MAST3: variants seen among roughly 807,000 people sequenced by gnomAD.
MAST3 encodes microtubule-associated serine/threonine-protein kinase 3.
Under a neutral mutation model 127.0 loss-of-function variants are expected in MAST3, and 43 were observed. That is an observed-to-expected ratio of 0.34 (90% CI 0.27 to 0.44). The LOEUF (loss-of-function observed/expected upper bound fraction) is 0.44. MAST3 is among the 20% of genes least tolerant of loss of function. The pLI is 1.00. For missense variants in MAST3, 1,390 were observed against 1,919.1 expected, an observed-to-expected ratio of 0.72 and a Z score of 5.15; for synonymous variants, 785 against 809.2, an observed-to-expected ratio of 0.97 and a Z score of 0.51.
At chr19:18,123,079 G>C (rs567600190) in intron 6 of MAST3, 138 bp from the exon 7 acceptor site, 1 of 911,252 alleles carries the variant, frequency 1.1e-6, no homozygotes, top group South Asian at 1.5e-5. Context: ...TTTGAGGGAT[G>C]CATAGGAGCT....
intron 2 of MAST3, among the ~76,000 whole-genome samples, chr19:18,109,718 G>A (rs2038361205): frequency 6.6e-5 from 10 of 152,186 alleles, no homozygotes; most frequent in Admixed American, 6.5e-4. Flanking sequence ...CGACCTTCCT[G>A]GCAGAGGAAA....
chr19:18,147,372 G>A (rs1207362424), intron 26 of MAST3, 71 bp from the exon 27 acceptor site: 1 of 1,400,194 alleles, frequency 7.1e-7, no homozygotes, highest in Non-Finnish European at 1.0e-6. Context: ...GAAAGTGCTG[G>A]GATTACAGGT....
intron 3 of MAST3, chr19:18,118,020 C>T: frequency 1.3e-6 from 1 of 746,150 alleles, no homozygotes; most frequent in Non-Finnish European, 1.6e-6. Flanking sequence ...CTCGGGGGCG[C>T]GCGCTTCCTT....
At chr19:18,142,802 G>A (rs995104692) in intron 21 of MAST3, among the ~76,000 whole-genome samples, 27 of 151,032 alleles carry the variant, frequency 1.8e-4, no homozygotes, top group African/African-American at 6.5e-4. Context: ...CACGGCACCC[G>A]GCTAATTTTT....
intron 11 of MAST3, among the ~76,000 whole-genome samples, chr19:18,126,562 A>G (rs968618639): frequency 1.3e-5 from 2 of 152,202 alleles, no homozygotes; most frequent in Non-Finnish European, 2.9e-5. Context: ...ACTTGAAGCC[A>G]GGAGTTTGAG....
chr19:18,098,606 C>T (rs1428977951), intron 1 of MAST3: 6 of 417,452 alleles, frequency 1.4e-5, no homozygotes, highest in African/African-American at 6.2e-5. Flanking sequence ...CCCCGGGCAG[C>T]CACCCTTTGA....
chr19:18,122,611 T>G lies in MAST3; in HGVS notation c.321-62T>G, dbSNP rs943614407. 3.6e-6 allele frequency: 5 copies of G among 1,405,482 alleles called. No homozygotes were observed. In the African/African-American group the frequency reaches 5.7e-5, roughly 16 times the overall value. 87.1% of individuals were successfully genotyped at this position (1,405,482 alleles called of 1,614,324 possible). Reference sequence around the variant, plus strand: ...AATATGCTGGCCACAGTGTCTGTTCTTAGTCCCCACAAACCACAGGGGCCA... The same window carrying G: ...AATATGCTGGCCACAGTGTCTGTTCGTAGTCCCCACAAACCACAGGGGCCA... On this transcript the variant is annotated intron_variant, in intron 5 of 27. Coordinates refer to ENST00000687212, the MANE Select transcript of MAST3 (RefSeq NM_001393504.1).
At chr19:18,123,046 G>A (rs143934536) in intron 6 of MAST3, among the ~76,000 whole-genome samples, 171 bp from the exon 7 acceptor site, 1 of 152,304 alleles carries the variant, frequency 6.6e-6, no homozygotes, top group Non-Finnish European at 1.5e-5. Context: ...ACTTCCTGGA[G>A]GAGAGGGCAT....
chr19:18,133,784 C>T (rs951906336), intron 15 of MAST3, among the ~76,000 whole-genome samples: 10 of 152,016 alleles, frequency 6.6e-5, no homozygotes, highest in African/African-American at 2.4e-4. Flanking sequence ...GAACTCCCGA[C>T]CTCAGGTGAT....
chr19:18,099,424 C>A (rs1244990864), intron 1 of MAST3, among the ~76,000 whole-genome samples: 10 of 151,652 alleles, frequency 6.6e-5, no homozygotes, highest in Non-Finnish European at 1.5e-5. Context: ...CCGCCCGCAG[C>A]CTCTTAAAAT....
In MAST3 at chr19:18,121,833, C is replaced by G. The variant is rs759419192; in HGVS notation, c.251-20C>G. ...TGCCTCTGCCCCGCTGACTCAGTTT[C>G]CCCGCCTCCTCCTCAGCAGGCAGCA... On this transcript the variant is annotated intron_variant, in intron 4 of 27. Transcript: ENST00000687212. The G allele has an allele frequency of 6.2e-7, 1 of 1,613,926 alleles. No homozygotes were observed.
At chr19:18,098,268 C>T (rs765717103) in intron 1 of MAST3, among the ~76,000 whole-genome samples, 1 of 152,154 alleles carries the variant, frequency 6.6e-6, no homozygotes, top group Non-Finnish European at 1.5e-5. Context: ...AGCCCTACGA[C>T]GACCTGGGGA....
Position 18,149,322 on chromosome 19 carries a change from GGCC to G in MAST3, c.3646_3648del (p.Arg1216del). 1.3e-6 allele frequency: 2 copies of G among 1,526,832 alleles called. No individual in the cohort carries two copies. The highest frequency in any genetic ancestry group is 1.8e-6 in the Non-Finnish European group (2 of 1,138,740). 94.6% of individuals were successfully genotyped at this position (1,526,832 alleles called of 1,614,324 possible). On this transcript the variant is annotated inframe_deletion, in exon 28 of 28. Coordinates refer to ENST00000687212, the MANE Select transcript of MAST3 (RefSeq NM_001393504.1). This position sits in a 1 kb window ranked among gnomAD's most constrained non-coding sequence, Gnocchi z 5.9. ...GCTTGGGCCACCCCGCCCCAAGACT[GGCC>G]GCCGCAAGTCCACCAGCAGCATCCC...
chr19:18,100,002 A>G (rs1450282026), intron 1 of MAST3, among the ~76,000 whole-genome samples: 1 of 152,100 alleles, frequency 6.6e-6, no homozygotes, highest in African/African-American at 2.4e-5. Flanking sequence ...GAGTGGGGGA[A>G]TCAAAAAGGG....
At chr19:18,128,323 A>C in intron 11 of MAST3, 77 bp from the exon 12 acceptor site, 35 of 1,174,294 alleles carry the variant, frequency 3.0e-5, no homozygotes, top group Non-Finnish European at 3.5e-5. Context: ...TGAGAACTCT[A>C]GAGGCCTCAG....
In MAST3 at chr19:18,149,637, G is replaced by T. The variant is rs777704330; in HGVS notation, c.3955G>T (p.Ala1319Ser). The T allele has an allele frequency of 6.2e-7, 1 of 1,613,290 alleles. No individual in the cohort carries two copies. The highest frequency in any genetic ancestry group is 1.7e-5 in the Admixed American group (1 of 60,010). The change falls in exon 28 of 28, where the codon GCC becomes TCC. Residue 1319 changes from alanine (A) to serine (S), a missense_variant. Physicochemically the swap from Ala to Ser is moderately conservative, Grantham distance 99 (BLOSUM62 1). Transcript: ENST00000687212. The surrounding 1 kb of genome is among the most constrained non-coding windows in gnomAD (Gnocchi z 5.9). ...TAGCTTCGATGAGCCGCAGGAGGAG[G>T]CCACTGGGCTGCCCACCTCAGTGCC... ...EVSFDEPQEE[A>S]TGLPTSVPQI...
In MAST3 at chr19:18,123,601, CT is replaced by C; in HGVS notation, c.581del (p.Phe194SerfsTer7). 1 of 1,592,374 alleles carries C rather than the reference CT, an allele frequency of 6.3e-7. No homozygotes were observed. The highest frequency in any genetic ancestry group is 8.5e-7 in the Non-Finnish European group (1 of 1,169,626). On this transcript the variant is annotated frameshift_variant, in exon 8 of 28. Coordinates refer to ENST00000687212, the MANE Select transcript of MAST3 (RefSeq NM_001393504.1). LOFTEE classifies it high-confidence loss of function. ...SLSPGRATGT[F>X]DNEIVMMNHV... ...TCAGCCCGGGCCGTGCAACGGGGAC[CT>C]TCGACAATGAGATTGTCATGATGAA...
chr19:18,109,497 G>A (rs1020652646), intron 2 of MAST3, among the ~76,000 whole-genome samples: 3 of 152,194 alleles, frequency 2.0e-5, no homozygotes, highest in Non-Finnish European at 4.4e-5. Context: ...ACTCCACAAG[G>A]GATGTCCACT....
intron 3 of MAST3, among the ~76,000 whole-genome samples, chr19:18,113,971 A>G (rs997142394): frequency 1.3e-5 from 2 of 152,154 alleles, no homozygotes; most frequent in Admixed American, 1.3e-4. Flanking sequence ...CTGATCCTCC[A>G]GAATGCAGGC....
Sources: gnomAD v4.1 joint callset for allele counts (sites outside exome capture counted in the v4.1 genomes callset) on GRCh38, gnomAD v4.1.1 for gene constraint, Gnocchi (gnomAD v3.1) non-coding constraint, MANE v1.5 for transcripts, NCBI Gene and HGNC (gene_info 2026-07-23, HGNC 2026-07-21) for gene names.